The following RPS23 variants were observed in gnomAD, a reference collection of about 807,000 sequenced individuals.
RPS23 encodes the protein ribosomal protein S23.
For missense variants in RPS23, 73 were observed against 174.5 expected (o/e 0.42, Z 3.28); for synonymous variants, 66 against 60.4 (o/e 1.09, Z -0.43).
At chr5:82,278,084 C>G (rs539683635) in intron 1 of RPS23, 2 of 664,952 alleles carry the variant, frequency 3.0e-6, no homozygotes, top group East Asian at 5.5e-5. Context: ...CGCTCGAATG[C>G]CCGGGAGGAA....
At chr5:82,277,267 A>C (rs1325405484) in intron 2 of RPS23, 1 of 202,476 alleles carries the variant, frequency 4.9e-6, no homozygotes, top group East Asian at 1.7e-4. Flanking sequence ...TATTTTAAAA[A>C]GTCAAAACCA....
chr5:82,276,347 T>C, intron 3 of RPS23, 51 bp downstream of exon 3: 1 of 1,613,120 alleles, frequency 6.2e-7, no homozygotes, highest in South Asian at 1.1e-5. Flanking sequence ...GATAAAAATG[T>C]GAGGGAGGCC....
chr5:82,278,330 G>A lies in RPS23; in HGVS notation c.-7C>T, dbSNP rs769328284. ...GCCACAACAGCTCACCCATCCTGTC[G>A]GCGCCACGGGCCTGAGCGAAAGAGA... On this transcript the variant is annotated 5_prime_UTR_variant, in exon 1 of 4. Coordinates refer to ENST00000296674, the MANE Select transcript of RPS23 (RefSeq NM_001025.5). 21 of 1,609,278 alleles carry A rather than the reference G, an allele frequency of 1.3e-5. No homozygotes were observed. The African/African-American group carries it at 2.1e-4, about 16-fold the overall frequency.
intron 1 of RPS23, 163 bp from the exon 2 acceptor site, chr5:82,278,015 C>T (rs1747970729): frequency 2.9e-6 from 2 of 695,610 alleles, no homozygotes; most frequent in East Asian, 2.7e-5. Context: ...TGCCCTGAAC[C>T]GACTAATAAA....
Position 82,277,948 on chromosome 5 carries a change from G to A in RPS23, c.5-96C>T, listed in dbSNP as rs1308227862. 3.6e-6 allele frequency: 4 copies of A among 1,121,034 alleles called. No individual in the cohort carries two copies. The Admixed American group carries it at 7.1e-5, about 20-fold the overall frequency. The allele number at this position is 1,121,034 out of a possible 1,614,324, so 69.4% of individuals were successfully genotyped here. A position where few individuals can be genotyped will look rare whatever the true frequency, so the allele number is the denominator to read the frequency against. Reference sequence around the variant, plus strand: ...CGCCTCACCTGGAATAAACCCTTAAGCCGATTGGCTCTCGTACTATTTATT... The same window carrying A: ...CGCCTCACCTGGAATAAACCCTTAAACCGATTGGCTCTCGTACTATTTATT... On this transcript the variant is annotated intron_variant, in intron 1 of 3. Coordinates refer to ENST00000296674, the MANE Select transcript of RPS23 (RefSeq NM_001025.5).
At position 82,275,981 on chromosome 5, in the gene RPS23, A is replaced by AT; in HGVS notation, c.*127dup. On this transcript the variant is annotated 3_prime_UTR_variant, in exon 4 of 4. Coordinates refer to ENST00000296674, the MANE Select transcript of RPS23 (RefSeq NM_001025.5). ...CAGGTCCTGCGTTTGCTGGTTTAGGATAAAAAAAATAAGGGGGGGTGGTGG... is the reference window on the plus strand; with the variant it reads ...CAGGTCCTGCGTTTGCTGGTTTAGGATTAAAAAAAATAAGGGGGGGTGGTGG... 1.2e-6 allele frequency: 1 copy of AT among 865,762 alleles called. No individual in the cohort carries two copies. The allele number at this position is 865,762 out of a possible 1,614,324, so 53.6% of individuals were successfully genotyped here. A position where few individuals can be genotyped will look rare whatever the true frequency, so the allele number is the denominator to read the frequency against.
Position 82,277,562 on chromosome 5 carries a change from A to G in RPS23, c.164+131T>C, listed in dbSNP as rs1393934527. 11 of 916,338 alleles carry G rather than the reference A, an allele frequency of 1.2e-5. No homozygotes were observed. The East Asian group carries it at 2.6e-4, about 22-fold the overall frequency. 56.8% of individuals were successfully genotyped at this position (916,338 alleles called of 1,614,324 possible). Reference sequence around the variant, plus strand: ...CTTTTAAATAGAACAAACGCTTTGCAATTTTACCCCACAATGCCCAAATGA... The same window carrying G: ...CTTTTAAATAGAACAAACGCTTTGCGATTTTACCCCACAATGCCCAAATGA... On this transcript the variant is annotated intron_variant, in intron 2 of 3. Coordinates refer to ENST00000296674, the MANE Select transcript of RPS23 (RefSeq NM_001025.5).
At chr5:82,278,093 A>T in intron 1 of RPS23, 1 of 667,724 alleles carries the variant, frequency 1.5e-6, no homozygotes, top group Non-Finnish European at 2.6e-6. Flanking sequence ...GCCCGGGAGG[A>T]AGCGCTGGCC....
chr5:82,275,327 A>T lies in RPS23; in HGVS notation c.*782T>A, dbSNP rs758052880. ...CAAGTATTTGTGGACAGCAAAATCC[A>T]CATGTACTCAATACCTAGCTTAAAT... On this transcript the variant is annotated 3_prime_UTR_variant, in exon 4 of 4. Transcript: ENST00000296674. 2.8e-6 allele frequency: 2 copies of T among 702,624 alleles called. No homozygotes were observed. 43.5% of individuals were successfully genotyped at this position (702,624 alleles called of 1,614,324 possible).
intron 1 of RPS23, 40 bp from the exon 2 acceptor site, chr5:82,277,892 C>T (rs370687082): frequency 7.0e-6 from 11 of 1,562,522 alleles, no homozygotes; most frequent in Admixed American, 3.5e-5. Flanking sequence ...AAAAACACGC[C>T]ATCTACGTGT....
Position 82,274,596 on chromosome 5 carries a change from TGCCCACCCCGC to T in RPS23, c.*1502_*1512del, listed in dbSNP as rs796666067. ...AAGGGCCCCACCGCCCGGGGAGAGCTGCCCACCCCGCGCCTGACGCCCAGGGCCTGGAATCG... is the reference window on the plus strand; with the variant it reads ...AAGGGCCCCACCGCCCGGGGAGAGCTGCCTGACGCCCAGGGCCTGGAATCG... On this transcript the variant is annotated 3_prime_UTR_variant, in exon 4 of 4. Coordinates refer to ENST00000296674, the MANE Select transcript of RPS23 (RefSeq NM_001025.5). The T allele has an allele frequency of 6.5e-5, 10 of 152,798 alleles. No individual in the cohort carries two copies. The highest frequency in any genetic ancestry group is 2.2e-4 in the African/African-American group (9 of 41,594). The allele number at this position is 152,798 out of a possible 1,614,324, so 9.5% of individuals were successfully genotyped here.
rs1017703244 is a variant in RPS23 at position 82,276,008 on chromosome 5, G to A, written c.*101C>T. 6 of 1,111,786 alleles carry A rather than the reference G, an allele frequency of 5.4e-6. No homozygotes were observed. Among genetic ancestry groups the A allele is most frequent in the Non-Finnish European group, 7.8e-6 (6 of 770,268 alleles). The allele number at this position is 1,111,786 out of a possible 1,614,324, so 68.9% of individuals were successfully genotyped here. A position where few individuals can be genotyped will look rare whatever the true frequency, so the allele number is the denominator to read the frequency against. On this transcript the variant is annotated 3_prime_UTR_variant, in exon 4 of 4. Transcript: ENST00000296674. ...AAAAAAAATAAGGGGGGGTGGTGGT[G>A]GTAATGAACATGATCTTCGTGGTGA...
In RPS23 at chr5:82,275,663, T is replaced by G. The variant is rs553683492; in HGVS notation, c.*446A>C. The G allele has an allele frequency of 1.9e-4, 52 of 273,782 alleles. No individual in the cohort carries two copies. Among genetic ancestry groups the G allele is most frequent in the African/African-American group, 1.1e-3 (48 of 45,456 alleles). The allele number at this position is 273,782 out of a possible 1,614,324, so 17.0% of individuals were successfully genotyped here. On this transcript the variant is annotated 3_prime_UTR_variant, in exon 4 of 4. Coordinates refer to ENST00000296674, the MANE Select transcript of RPS23 (RefSeq NM_001025.5). The stretch of plus-strand genomic sequence containing the variant: ...CCCCTGTAAGATGGATACAAGAATG[T>G]GCATTTCCAAGGGTACCTAAGATAA...
rs776164458 is a variant in RPS23 at position 82,277,783 on chromosome 5, T to A, written c.74A>T (p.Lys25Ile). Residue 25 changes from lysine to isoleucine, a missense_variant, in exon 2 of 4, where the codon AAA becomes ATA. By Grantham distance (102) the Lys-to-Ile change is moderately radical. Coordinates refer to ENST00000296674, the MANE Select transcript of RPS23 (RefSeq NM_001025.5). Reference protein sequence around the residue: ...SHRRDQKWHDKQYKKAHLGTA... With the variant: ...SHRRDQKWHDIQYKKAHLGTA... ...GCCCAAATGAGCTTTCTTATACTGT[T>A]TATCATGCCACTTCTGGTCTCGTCG... The A allele has an allele frequency of 6.8e-6, 11 of 1,613,848 alleles. No homozygotes were observed. Among genetic ancestry groups the A allele is most frequent in the Non-Finnish European group, 9.3e-6 (11 of 1,179,828 alleles).
chr5:82,277,679 A>G lies in RPS23; in HGVS notation c.164+14T>C, dbSNP rs949543097. The G allele has an allele frequency of 6.2e-7, 1 of 1,612,976 alleles. No individual in the cohort carries two copies. The highest frequency in any genetic ancestry group is 8.5e-7 in the Non-Finnish European group (1 of 1,179,338). ...CTATAATAAACTAAAACTTGACGGG[A>G]GCAATGGACTTACACTTTTTCCAGC... On this transcript the variant is annotated intron_variant, in intron 2 of 3. Transcript: ENST00000296674.
rs1345868176 is a variant in RPS23 at position 82,278,284 on chromosome 5, G to A, written c.4+36C>T. 4.2e-6 allele frequency: 6 copies of A among 1,442,112 alleles called. No individual in the cohort carries two copies. The South Asian group carries it at 4.6e-5, about 11-fold the overall frequency. The allele number at this position is 1,442,112 out of a possible 1,614,324, so 89.3% of individuals were successfully genotyped here. A position where few individuals can be genotyped will look rare whatever the true frequency, so the allele number is the denominator to read the frequency against. On this transcript the variant is annotated intron_variant, in intron 1 of 3. Transcript: ENST00000296674. ...GCCCGTCCCCAAGACCCCAAGTCCC[G>A]CTTGCAGCGCCCTTAAACCGGCCAC...
Position 82,275,971 on chromosome 5 carries a change from C to A in RPS23, c.*138G>T. On this transcript the variant is annotated 3_prime_UTR_variant, in exon 4 of 4. Coordinates refer to ENST00000296674, the MANE Select transcript of RPS23 (RefSeq NM_001025.5). ...AAAATTGGTACAGGTCCTGCGTTTG[C>A]TGGTTTAGGATAAAAAAAATAAGGG... 1 of 775,322 alleles carries A rather than the reference C, an allele frequency of 1.3e-6. No homozygotes were observed. The highest frequency in any genetic ancestry group is 2.1e-6 in the Non-Finnish European group (1 of 481,482). The allele number at this position is 775,322 out of a possible 1,614,324, so 48.0% of individuals were successfully genotyped here.
chr5:82,277,821 C>T lies in RPS23; in HGVS notation c.36G>A (p.Lys12=). The change falls in exon 2 of 4, where the codon AAG becomes AAA. Residue 12 remains lysine, a synonymous_variant. Coordinates refer to ENST00000296674, the MANE Select transcript of RPS23 (RefSeq NM_001025.5). The part of the protein sequence containing the change: ...GKCRGLRTAR[K]LRSHRRDQKW... Reference sequence around the variant, plus strand: ...TCTGGTCTCGTCGGTGACTACGGAGCTTCCTAGCAGTACGAAGTCCACGAC... The same window carrying T: ...TCTGGTCTCGTCGGTGACTACGGAGTTTCCTAGCAGTACGAAGTCCACGAC... 6.2e-7 allele frequency: 1 copy of T among 1,613,904 alleles called. No homozygotes were observed.
At chr5:82,277,951 G>GTACTATTT in intron 1 of RPS23, 99 bp from the exon 2 acceptor site, 1 of 1,099,312 alleles carries the variant, frequency 9.1e-7, no homozygotes, top group Non-Finnish European at 1.3e-6. Flanking sequence ...CCCTTAAGCC[G>GTACTATTT]ATTGGCTCTC....
Sources: allele counts gnomAD v4.1 joint callset, GRCh38; gene constraint gnomAD v4.1.1; transcripts MANE v1.5; gene names NCBI Gene and HGNC (gene_info 2026-07-23, HGNC 2026-07-21).